Variants in PINX1 observed in about 807,000 individuals in gnomAD.
PINX1 encodes the protein PIN2/TERF1-interacting telomerase inhibitor 1.
PINX1 carries 34 observed loss-of-function variants against 25.4 expected under a neutral mutation model. That is an observed-to-expected ratio of 1.34 (90% confidence interval 1.02 to 1.78). The LOEUF (loss-of-function observed/expected upper bound fraction) is 1.78, where lower values mean the gene tolerates loss of function less well. PINX1 is among the 40% of genes most tolerant of loss of function. PINX1 has a pLI of 0.00. For missense variants in PINX1, 592 were observed against 404.9 expected, an observed-to-expected ratio of 1.46 and a Z score of -3.97; for synonymous variants, 197 against 147.7, an observed-to-expected ratio of 1.33 and a Z score of -2.42.
At chr8:10,791,998 T>C (rs1181315608) in intron 6 of PINX1, among the ~76,000 whole-genome samples, 11 of 151,970 alleles carry the variant, frequency 7.2e-5, no homozygotes. Context: ...GACTCTTAAC[T>C]CTCCGTGCTG....
At chr8:10,776,172 A>T (rs7813706) in intron 6 of PINX1, among the ~76,000 whole-genome samples, 97,712 of 151,936 alleles carry the variant, frequency 0.64, 32,727 homozygotes, top group African/African-American at 0.82. Flanking sequence ...ACACCTGTAA[A>T]CCCAGCACTT....
chr8:10,789,071 C>A (rs1236891658), intron 6 of PINX1, among the ~76,000 whole-genome samples: 1 of 152,234 alleles, frequency 6.6e-6, no homozygotes, highest in Non-Finnish European at 1.5e-5. Flanking sequence ...TCCTGCCAGC[C>A]TCCCCTTCCC....
chr8:10,766,610 G>A (rs1586122598), intron 6 of PINX1, among the ~76,000 whole-genome samples: 1 of 152,198 alleles, frequency 6.6e-6, no homozygotes, highest in African/African-American at 2.4e-5. Flanking sequence ...GGGGTGGGGA[G>A]TAGAGAAATG....
chr8:10,770,694 AAT>A (rs945842476), intron 6 of PINX1, among the ~76,000 whole-genome samples: 3 of 152,198 alleles, frequency 2.0e-5, no homozygotes, highest in Non-Finnish European at 4.4e-5. Context: ...GGGGCAAGGA[AAT>A]GAAGCAGTTT....
In PINX1 at chr8:10,817,152, C is replaced by G. The variant is rs140527741; in HGVS notation, c.471+3041G>C. Among the ~76,000 whole-genome samples, 215 of 152,270 alleles carry G rather than the reference C, an allele frequency of 1.4e-3. 1 individual carries two copies. The highest frequency in any genetic ancestry group is 4.9e-3 in the African/African-American group (205 of 41,544). On this transcript the variant is annotated intron_variant, in intron 6 of 6. Transcript: ENST00000314787. ...TGCTGAAGACAGATCAGCATCGGCACCTAACTAGAGCACCCACAGAGCTAC... is the reference window on the plus strand; with the variant it reads ...TGCTGAAGACAGATCAGCATCGGCAGCTAACTAGAGCACCCACAGAGCTAC...
intron 6 of PINX1, among the ~76,000 whole-genome samples, chr8:10,812,735 C>T (rs555677985): frequency 4.6e-5 from 7 of 152,354 alleles, no homozygotes; most frequent in East Asian, 1.9e-4. Context: ...CGCACAGAGC[C>T]GTTCAAGCAC....
At chr8:10,776,407 AGAGT>A (rs1323620936) in intron 6 of PINX1, among the ~76,000 whole-genome samples, 52 of 150,990 alleles carry the variant, frequency 3.4e-4, no homozygotes, top group Non-Finnish European at 2.8e-4. Flanking sequence ...CCTGGGTAAC[AGAGT>A]GAGACTCCGC....
At chr8:10,819,729 G>T (rs879700393) in intron 6 of PINX1, among the ~76,000 whole-genome samples, 1 of 152,186 alleles carries the variant, frequency 6.6e-6, no homozygotes, top group African/African-American at 2.4e-5. Context: ...CTTATAGATG[G>T]TGCTGATCTA....
chr8:10,796,466 T>A (rs1247982089), intron 6 of PINX1, among the ~76,000 whole-genome samples: 1 of 152,230 alleles, frequency 6.6e-6, no homozygotes, highest in South Asian at 2.1e-4. Flanking sequence ...AGAGAGCAGC[T>A]TGGGAAAGGG....
chr8:10,832,727 T>G (rs989243923), intron 3 of PINX1, among the ~76,000 whole-genome samples, 165 bp downstream of exon 3: 3 of 152,244 alleles, frequency 2.0e-5, no homozygotes, highest in African/African-American at 7.2e-5. Flanking sequence ...CCACTGACTC[T>G]GAGTTATAGT....
intron 6 of PINX1, among the ~76,000 whole-genome samples, chr8:10,776,741 G>A (rs1299927112): frequency 6.6e-6 from 1 of 152,162 alleles, no homozygotes; most frequent in African/African-American, 2.4e-5. Context: ...CAAGGGATGG[G>A]ATGGTGCTGC....
At chr8:10,831,178 A>C (rs1798216625) in intron 4 of PINX1, among the ~76,000 whole-genome samples, 1 of 152,242 alleles carries the variant, frequency 6.6e-6, no homozygotes, top group African/African-American at 2.4e-5. Context: ...TAAGTGAAAT[A>C]AGCCAGGCAC....
rs1286210209 is a variant in PINX1 at position 10,826,384 on chromosome 8, C to A, written c.302-140G>T. On this transcript the variant is annotated intron_variant, in intron 4 of 6. Transcript: ENST00000314787. Reference sequence around the variant, plus strand: ...ACTCTTTCATTCATTTGCTCTGCAACAGCACCCTTCTGCTGGATCTCTGTT... The same window carrying A: ...ACTCTTTCATTCATTTGCTCTGCAAAAGCACCCTTCTGCTGGATCTCTGTT... The A allele has an allele frequency of 2.7e-5, 15 of 552,874 alleles. No homozygotes were observed. In the Admixed American group the frequency reaches 5.5e-4, roughly 20 times the overall value. The allele number at this position is 552,874 out of a possible 1,614,324, so 34.2% of individuals were successfully genotyped here. A position where few individuals can be genotyped will look rare whatever the true frequency, so the allele number is the denominator to read the frequency against.
chr8:10,787,050 A>T (rs7012388), intron 6 of PINX1, among the ~76,000 whole-genome samples: 2,151 of 152,234 alleles, frequency 0.014, 48 homozygotes, highest in African/African-American at 0.049. Flanking sequence ...CATACATTTT[A>T]ACAGTTTGAC....
At chr8:10,778,793 G>A (rs1487638023) in intron 6 of PINX1, among the ~76,000 whole-genome samples, 2 of 152,182 alleles carry the variant, frequency 1.3e-5, no homozygotes, top group Admixed American at 6.5e-5. Flanking sequence ...TCCATTATCT[G>A]GATAAAATGA....
chr8:10,834,644 T>C (rs1366297578), intron 2 of PINX1, 22 bp downstream of exon 2: 2 of 1,610,508 alleles, frequency 1.2e-6, no homozygotes, highest in Non-Finnish European at 1.7e-6. Context: ...CTCAGATTTT[T>C]TTCCGCTTTT....
At chr8:10,786,005 C>T (rs943386655) in intron 6 of PINX1, among the ~76,000 whole-genome samples, 9 of 152,218 alleles carry the variant, frequency 5.9e-5, no homozygotes, top group African/African-American at 2.2e-4. Context: ...GTGGCGAGCG[C>T]AGAGCTAGAC....
At chr8:10,772,736 C>G (rs1348294483) in intron 6 of PINX1, among the ~76,000 whole-genome samples, 1 of 152,130 alleles carries the variant, frequency 6.6e-6, no homozygotes, top group Non-Finnish European at 1.5e-5. Context: ...TATTAAAAAG[C>G]AAAGATACAA....
chr8:10,828,500 C>T (rs1400916758), intron 4 of PINX1, among the ~76,000 whole-genome samples: 4 of 152,126 alleles, frequency 2.6e-5, no homozygotes, highest in Admixed American at 1.3e-4. Flanking sequence ...AGGAAGCCCC[C>T]GCGATGGGAC....
Sources: allele counts gnomAD v4.1 joint callset (sites outside exome capture counted in the v4.1 genomes callset), GRCh38; gene constraint gnomAD v4.1.1; transcripts MANE v1.5; gene names NCBI Gene and HGNC (gene_info 2026-07-23, HGNC 2026-07-21).